SMAD9: variants seen among roughly 807,000 people sequenced by gnomAD.
SMAD9 encodes the protein MAD homolog 9.
In SMAD9, 36 loss-of-function variants were observed where a neutral mutation model predicts 46.1. That is an observed-to-expected ratio of 0.78 (90% CI 0.60 to 1.03). The LOEUF (loss-of-function observed/expected upper bound fraction) is 1.03. Ranked by LOEUF, SMAD9 falls within the 50% of genes least tolerant of loss-of-function variation. The probability of loss-of-function intolerance (pLI) is 0.00; values close to 1 mark genes in which losing one functional copy is unlikely to be tolerated. For synonymous variants in SMAD9, 245 were observed against 237.1 expected (o/e 1.03, Z -0.31); for missense variants, 572 against 599.8 (o/e 0.95, Z 0.48).
chr13:36,886,091 C>T (rs1299070166), intron 1 of SMAD9, among the ~76,000 whole-genome samples: 4 of 152,140 alleles, frequency 2.6e-5, no homozygotes, highest in African/African-American at 9.7e-5. Context: ...ATTTACTCAC[C>T]GAATCACTGT....
chr13:36,882,280 G>A (rs564479409), intron 1 of SMAD9, among the ~76,000 whole-genome samples: 2 of 151,562 alleles, frequency 1.3e-5, no homozygotes, highest in African/African-American at 4.9e-5. Context: ...CGGTGTATGT[G>A]TCCAGGGTTA....
intron 5 of SMAD9, 138 bp from the exon 6 acceptor site, chr13:36,853,813 T>A: frequency 1.2e-6 from 1 of 843,956 alleles, no homozygotes; most frequent in Non-Finnish European, 2.0e-6. Flanking sequence ...ATGTGTGACC[T>A]AAATGCCGCT....
intron 1 of SMAD9, among the ~76,000 whole-genome samples, chr13:36,895,266 G>C (rs1400097913): frequency 1.3e-5 from 2 of 152,130 alleles, no homozygotes; most frequent in Admixed American, 6.5e-5. Flanking sequence ...TCTTAGACAT[G>C]ACTAAGAGGA....
chr13:36,879,657 GAA>G lies in SMAD9; in HGVS notation c.31_32del (p.Phe11LeufsTer18). On this transcript the variant is annotated frameshift_variant, in exon 2 of 7. Transcript: ENST00000379826. LOFTEE classifies it high-confidence loss of function. MHSTTPISSLFSFTSPAVKRL... is the reference protein window; with the variant it reads MHSTTPISSLXSFTSPAVKRL... ...TCTTCACTGCGGGGCTGGTGAAGGA[GAA>G]GAGGGAGCTGATGGGGGTGGTGGAG... 6.2e-7 allele frequency: 1 copy of G among 1,614,224 alleles called. No individual in the cohort carries two copies. The highest frequency in any genetic ancestry group is 8.5e-7 in the Non-Finnish European group (1 of 1,180,042).
At chr13:36,863,170 C>T (rs1485842128) in intron 5 of SMAD9, among the ~76,000 whole-genome samples, 3 of 152,210 alleles carry the variant, frequency 2.0e-5, no homozygotes, top group Non-Finnish European at 4.4e-5. Flanking sequence ...AACCAGATAA[C>T]CCATGGCAGC....
intron 4 of SMAD9, 31 bp from the exon 5 acceptor site, chr13:36,865,789 C>T: frequency 6.5e-7 from 1 of 1,545,196 alleles, no homozygotes; most frequent in Non-Finnish European, 8.9e-7. Context: ...GAACACATGG[C>T]TACTGTCATA....
intron 5 of SMAD9, among the ~76,000 whole-genome samples, chr13:36,863,801 G>A (rs1269184127): frequency 6.6e-6 from 1 of 152,124 alleles, no homozygotes; most frequent in African/African-American, 2.4e-5. Flanking sequence ...GCCCTCACCA[G>A]AAGCACATGC....
At chr13:36,868,252 TTGAA>T (rs532428276) in intron 3 of SMAD9, among the ~76,000 whole-genome samples, 18 of 152,346 alleles carry the variant, frequency 1.2e-4, no homozygotes, top group African/African-American at 3.4e-4. Flanking sequence ...AGGTCAGTGG[TTGAA>T]TGTAGCCATG....
intron 3 of SMAD9, among the ~76,000 whole-genome samples, chr13:36,868,964 A>G (rs2058262309): frequency 6.6e-6 from 1 of 152,236 alleles, no homozygotes; most frequent in African/African-American, 2.4e-5. Context: ...GATATATGCC[A>G]CAACACAAAC....
At chr13:36,888,634 C>A (rs953775898) in intron 1 of SMAD9, among the ~76,000 whole-genome samples, 1 of 152,144 alleles carries the variant, frequency 6.6e-6, no homozygotes, top group Non-Finnish European at 1.5e-5. Context: ...TCACTGCAAT[C>A]AACTCCCAAA....
At chr13:36,920,382 G>C (rs1372752127), upstream of SMAD9, 19 of 150,956 alleles carry the variant, frequency 1.3e-4, no homozygotes, top group Admixed American at 9.2e-4. Context: ...GGGCCCGGCG[G>C]GGGGCGGGAG....
chr13:36,905,774 CAAAAAAAAAAAAAAAAAAAAAAA>C (rs60358673), intron 1 of SMAD9, among the ~76,000 whole-genome samples: 25,454 of 66,922 alleles, frequency 0.38, 3,627 homozygotes, highest in Middle Eastern at 0.53. Flanking sequence ...GACCCTGTCT[CAAAAAAAAAAAAAAAAAAAAAAA>C]AAAAAAAAAA....
intron 1 of SMAD9, among the ~76,000 whole-genome samples, chr13:36,905,096 T>G (rs568139126): frequency 1.3e-5 from 2 of 152,290 alleles, no homozygotes; most frequent in East Asian, 1.9e-4. Context: ...AATTTTTGGT[T>G]GTTGTAACTG....
chr13:36,851,903 A>C (rs2138272482), intron 6 of SMAD9: 1 of 967,766 alleles, frequency 1.0e-6, no homozygotes, highest in South Asian at 4.8e-5. Flanking sequence ...GCTTATATTT[A>C]ATCAGAGTGA....
chr13:36,859,337 G>A (rs1475749474), intron 5 of SMAD9, among the ~76,000 whole-genome samples: 1 of 152,184 alleles, frequency 6.6e-6, no homozygotes, highest in African/African-American at 2.4e-5. Flanking sequence ...GAAACAGAGT[G>A]ACTCCGTCTT....
intron 5 of SMAD9, among the ~76,000 whole-genome samples, chr13:36,862,427 C>A (rs1471353769): frequency 6.6e-6 from 1 of 152,168 alleles, no homozygotes; most frequent in Non-Finnish European, 1.5e-5. Context: ...TATAATGCAT[C>A]AGCATGCTAA....
At chr13:36,857,846 C>G (rs2058141741) in intron 5 of SMAD9, among the ~76,000 whole-genome samples, 1 of 152,182 alleles carries the variant, frequency 6.6e-6, no homozygotes, top group African/African-American at 2.4e-5. Flanking sequence ...CCTAAACGTC[C>G]CAACACAAGC....
At position 36,848,895 on chromosome 13, in the gene SMAD9, G is replaced by A. The variant is rs4943431; in HGVS notation, c.1261-76C>T. 0.25 allele frequency: 365,011 copies of A among 1,482,780 alleles called. 46,351 individuals are homozygous for A. The highest frequency in any genetic ancestry group is 0.37 in the African/African-American group (26,747 of 72,450). 91.9% of individuals were successfully genotyped at this position (1,482,780 alleles called of 1,614,324 possible). A position where few individuals can be genotyped will look rare whatever the true frequency, so the allele number is the denominator to read the frequency against. On this transcript the variant is annotated intron_variant, in intron 6 of 6. Transcript: ENST00000379826. ...TCCAGAGCCCCAGGCAGAGCTCAGCGGGGCACAGAGCCCACACCCCAGCGT... is the reference window on the plus strand; with the variant it reads ...TCCAGAGCCCCAGGCAGAGCTCAGCAGGGCACAGAGCCCACACCCCAGCGT...
At chr13:36,909,589 C>T (rs897093413) in intron 1 of SMAD9, among the ~76,000 whole-genome samples, 6 of 152,148 alleles carry the variant, frequency 3.9e-5, no homozygotes, top group Non-Finnish European at 8.8e-5. Context: ...GAAGGGCCCA[C>T]AATTTAATGC....
Sources: gnomAD v4.1 joint callset for allele counts (sites outside exome capture counted in the v4.1 genomes callset) on GRCh38, gnomAD v4.1.1 for gene constraint, MANE v1.5 for transcripts, NCBI Gene and HGNC (gene_info 2026-07-23, HGNC 2026-07-21) for gene names.